Variants in CDH4 observed in about 807,000 individuals in gnomAD.
CDH4 encodes cadherin 4.
CDH4 carries 33 observed loss-of-function variants against 86.0 expected under a neutral mutation model. The ratio of observed to expected loss-of-function variants is 0.38; its 90% CI spans 0.29 to 0.51. CDH4 has a LOEUF of 0.51. Ranked by LOEUF, CDH4 falls within the 20% of genes least tolerant of loss-of-function variation. CDH4 has a pLI of 0.86. For missense variants in CDH4, 1,114 were observed against 1,307.4 expected (o/e 0.85, Z 2.28); for synonymous variants, 555 against 549.4 (o/e 1.01, Z -0.14).
At chr20:61,362,644 G>A (rs1045166782) in intron 2 of CDH4, among the ~76,000 whole-genome samples, 1 of 152,132 alleles carries the variant, frequency 6.6e-6, no homozygotes, top group African/African-American at 2.4e-5. Context: ...GGGTCAGGAT[G>A]GGGGAGCAAA....
chr20:61,926,830 C>A (rs187360718), intron 11 of CDH4, among the ~76,000 whole-genome samples: 185 of 152,194 alleles, frequency 1.2e-3, no homozygotes, highest in African/African-American at 4.3e-3. Flanking sequence ...CCAAGATCGC[C>A]CCATTGAACT....
At chr20:61,445,145 C>G (rs932238163) in intron 2 of CDH4, among the ~76,000 whole-genome samples, 1 of 152,094 alleles carries the variant, frequency 6.6e-6, no homozygotes, top group Non-Finnish European at 1.5e-5. Context: ...CTCCCTATTG[C>G]AAGAATCCCA....
At chr20:61,314,657 G>A (rs2084466563) in intron 2 of CDH4, among the ~76,000 whole-genome samples, 1 of 152,160 alleles carries the variant, frequency 6.6e-6, no homozygotes, top group Non-Finnish European at 1.5e-5. Flanking sequence ...CCACTGGATC[G>A]TATGGTAGTT....
intron 8 of CDH4, among the ~76,000 whole-genome samples, chr20:61,901,127 A>T (rs562342000): frequency 6.6e-6 from 1 of 151,854 alleles, no homozygotes; most frequent in South Asian, 2.1e-4. Context: ...TGGACCCAAA[A>T]GCCCAAAAAG....
rs2086062630 is a variant in CDH4, at chr20:61,544,456, G to A, written c.170-199107G>A. Among the ~76,000 whole-genome samples, 1 of 152,032 alleles carries A rather than the reference G, an allele frequency of 6.6e-6. No homozygotes were observed. Among genetic ancestry groups the A allele is most frequent in the Non-Finnish European group, 1.5e-5 (1 of 68,026 alleles). On this transcript the variant is annotated intron_variant, in intron 2 of 15. Transcript: ENST00000614565. The surrounding 1 kb of genome is among the most constrained non-coding windows in gnomAD (Gnocchi z 6.5). ...GTAGCTGTTCTGTGGTGGGAGCGCA[G>A]TGGGAGCCGCAGGGCATCGGGGTCT... is the stretch of plus-strand genomic sequence containing the variant.
chr20:61,696,421 G>A (rs914416060), intron 2 of CDH4, among the ~76,000 whole-genome samples: 2 of 152,204 alleles, frequency 1.3e-5, no homozygotes, highest in African/African-American at 2.4e-5. Context: ...AGAGAGGGGC[G>A]GGAATGGATG....
At chr20:61,539,384 C>G (rs1331521309) in intron 2 of CDH4, among the ~76,000 whole-genome samples, 1 of 152,186 alleles carries the variant, frequency 6.6e-6, no homozygotes, top group Non-Finnish European at 1.5e-5. Context: ...AAACCCAAGA[C>G]TAAGGTGTGG....
chr20:61,631,438 G>T (rs568605489), intron 2 of CDH4, among the ~76,000 whole-genome samples: 4 of 152,280 alleles, frequency 2.6e-5, no homozygotes, highest in African/African-American at 9.6e-5. Flanking sequence ...TCAGGGATTC[G>T]AAACCAGCCT....
At chr20:61,876,349 A>G (rs548044379) in intron 7 of CDH4, among the ~76,000 whole-genome samples, 6 of 152,354 alleles carry the variant, frequency 3.9e-5, no homozygotes, top group African/African-American at 1.4e-4. Flanking sequence ...GTCCCAGTGC[A>G]GGGGCATGGC....
chr20:61,443,822 ATCTG>A (rs1424752192), intron 2 of CDH4, among the ~76,000 whole-genome samples: 11 of 150,314 alleles, frequency 7.3e-5, no homozygotes, highest in South Asian at 2.1e-4. Flanking sequence ...GTGTCTGTGT[ATCTG>A]TCTGTCTCTG....
At chr20:61,446,310 C>T (rs1187686382) in intron 2 of CDH4, among the ~76,000 whole-genome samples, 3 of 152,074 alleles carry the variant, frequency 2.0e-5, no homozygotes, top group Non-Finnish European at 4.4e-5. Context: ...AGTAGGGGTG[C>T]AAAAATGTAC....
chr20:61,718,582 C>T (rs927117290), intron 2 of CDH4: 4 of 348,166 alleles, frequency 1.1e-5, no homozygotes, highest in Admixed American at 1.1e-4. Flanking sequence ...CCTGCACAGG[C>T]TCACAGGGCA....
At chr20:61,309,313 G>A (rs1202806631) in intron 2 of CDH4, among the ~76,000 whole-genome samples, 1 of 152,000 alleles carries the variant, frequency 6.6e-6, no homozygotes, top group Admixed American at 6.6e-5. Flanking sequence ...GCCTCACTGT[G>A]ATGACCTTGC....
At chr20:61,736,079 C>G (rs73316163) in intron 2 of CDH4, among the ~76,000 whole-genome samples, 11,001 of 152,240 alleles carry the variant, frequency 0.072, 450 homozygotes, top group Non-Finnish European at 0.081. Context: ...GGGTGCCCCC[C>G]ACTCCTGTGC....
At chr20:61,765,668 A>G (rs1230256632) in intron 3 of CDH4, among the ~76,000 whole-genome samples, 1 of 152,096 alleles carries the variant, frequency 6.6e-6, no homozygotes, top group Non-Finnish European at 1.5e-5. Context: ...CCTGGTAGGG[A>G]CCAGCCTGGG....
At chr20:61,378,969 A>G (rs1471715210) in intron 2 of CDH4, among the ~76,000 whole-genome samples, 1 of 152,216 alleles carries the variant, frequency 6.6e-6, no homozygotes, top group Non-Finnish European at 1.5e-5. Flanking sequence ...CTCAGCTGTA[A>G]GTCAGAGAGA....
chr20:61,281,415 C>T (rs2045766867), intron 2 of CDH4, among the ~76,000 whole-genome samples: 1 of 152,188 alleles, frequency 6.6e-6, no homozygotes, highest in Non-Finnish European at 1.5e-5. Context: ...ATCCGTGAAC[C>T]AGGAATTGGG....
intron 2 of CDH4, among the ~76,000 whole-genome samples, chr20:61,450,481 C>G (rs898661508): frequency 2.0e-5 from 3 of 152,150 alleles, no homozygotes; most frequent in African/African-American, 7.2e-5. Flanking sequence ...TCTAAAGATA[C>G]AGTTTATTTC....
intron 2 of CDH4, among the ~76,000 whole-genome samples, chr20:61,536,616 G>T (rs977273512): frequency 7.2e-5 from 11 of 152,178 alleles, no homozygotes; most frequent in Non-Finnish European, 1.3e-4. Context: ...ACTCTATGAT[G>T]CATTGTCTCA....
Sources: allele counts gnomAD v4.1 joint callset (sites outside exome capture counted in the v4.1 genomes callset), GRCh38; gene constraint gnomAD v4.1.1; non-coding constraint Gnocchi (gnomAD v3.1); transcripts MANE v1.5; gene names NCBI Gene and HGNC (gene_info 2026-07-23, HGNC 2026-07-21).